Variants in CAST observed in about 807,000 individuals in gnomAD.
CAST encodes the protein MIR583 host.
Under a neutral mutation model 119.6 loss-of-function variants are expected in CAST, and 76 were observed. The observed-to-expected ratio is 0.64, with a 90% CI of 0.53 to 0.77. CAST has a LOEUF of 0.77. Among genes scored for constraint, CAST ranks in the 30% least tolerant of loss-of-function variants. CAST has a pLI of 0.00. For missense variants in CAST, 953 were observed against 946.5 expected, an observed-to-expected ratio of 1.01 and a Z score of -0.09; for synonymous variants, 319 against 331.6, an observed-to-expected ratio of 0.96 and a Z score of 0.41.
chr5:96,232,281 C>T, the CAST span, among the ~76,000 whole-genome samples: 1 of 151,966 alleles, frequency 6.6e-6, no homozygotes, highest in Non-Finnish European at 1.5e-5. Context: ...CTAGGTGACT[C>T]TGATGCAAAT....
the CAST span, among the ~76,000 whole-genome samples, chr5:96,020,427 G>C: frequency 1.3e-5 from 2 of 152,172 alleles, no homozygotes; most frequent in Non-Finnish European, 2.9e-5. Flanking sequence ...CCAGTCCCAT[G>C]GCCTGTTGGG....
chr5:95,999,679 A>G, the CAST span, among the ~76,000 whole-genome samples: 4 of 152,180 alleles, frequency 2.6e-5, no homozygotes, highest in South Asian at 2.1e-4. Flanking sequence ...ATTGTTTCCA[A>G]TTTGGGGTTA....
the CAST span, among the ~76,000 whole-genome samples, chr5:96,262,739 G>A: frequency 3.3e-5 from 5 of 152,044 alleles, no homozygotes; most frequent in Non-Finnish European, 4.4e-5. Context: ...GTTTCACCAC[G>A]TTAGCCAAGA....
At chr5:96,228,265 T>C in the CAST span, among the ~76,000 whole-genome samples, 4 of 152,220 alleles carry the variant, frequency 2.6e-5, no homozygotes, top group Non-Finnish European at 5.9e-5. Flanking sequence ...AGACAATTAA[T>C]TGTCTTTATT....
chr5:96,101,703 C>A, the CAST span, among the ~76,000 whole-genome samples: 1 of 152,206 alleles, frequency 6.6e-6, no homozygotes, highest in Non-Finnish European at 1.5e-5. Context: ...GTAATCCTAG[C>A]GCTTTGGCCA....
the CAST span, among the ~76,000 whole-genome samples, chr5:96,162,958 G>T: frequency 5.3e-5 from 8 of 152,206 alleles, no homozygotes; most frequent in Non-Finnish European, 1.0e-4. Context: ...CTATTTTTCA[G>T]AAGAGTTTGC....
chr5:96,739,610 G>A (rs559263847), intron 11 of CAST, among the ~76,000 whole-genome samples: 1 of 152,280 alleles, frequency 6.6e-6, no homozygotes, highest in East Asian at 1.9e-4. Context: ...GATTAACAGG[G>A]AAAGGGAATT....
At chr5:96,768,121 T>C in intron 29 of CAST, 122 bp downstream of exon 29, 3 of 724,688 alleles carry the variant, frequency 4.1e-6, no homozygotes, top group Non-Finnish European at 7.3e-6. Flanking sequence ...TCTTACTCTA[T>C]AGCCCAGGCT....
At chr5:96,434,111 G>A in the CAST span, 1 of 152,204 alleles carries the variant, frequency 6.6e-6, no homozygotes, top group East Asian at 1.9e-4. Context: ...CTTTGGTGCT[G>A]AGCTGGAGCT....
At chr5:96,385,667 G>T in the CAST span, among the ~76,000 whole-genome samples, 1 of 152,150 alleles carries the variant, frequency 6.6e-6, no homozygotes. Context: ...TAACAGAAAA[G>T]AATCTGCAGT....
chr5:96,556,460 G>GA (rs1404385870), intron 1 of CAST, among the ~76,000 whole-genome samples: 2 of 152,118 alleles, frequency 1.3e-5, no homozygotes, highest in African/African-American at 2.4e-5. Flanking sequence ...TAAAAACCTT[G>GA]AAAAAAATTA....
At chr5:96,533,394 C>T (rs1745727509) in intron 1 of CAST, among the ~76,000 whole-genome samples, 1 of 152,156 alleles carries the variant, frequency 6.6e-6, no homozygotes, top group African/African-American at 2.4e-5. Context: ...GTCTCCAGTA[C>T]CAAACTAGAC....
chr5:96,495,049 C>T, the CAST span, among the ~76,000 whole-genome samples: 18 of 147,116 alleles, frequency 1.2e-4, no homozygotes, highest in African/African-American at 4.6e-4. Context: ...ACCCGGGAGG[C>T]GGAGGTTGTA....
the CAST span, among the ~76,000 whole-genome samples, chr5:96,390,158 A>G: frequency 1.3e-5 from 2 of 152,194 alleles, no homozygotes; most frequent in Non-Finnish European, 2.9e-5. Context: ...GCATGTTGTC[A>G]AGAAAGTGAA....
the CAST span, among the ~76,000 whole-genome samples, chr5:96,002,863 T>C: frequency 6.6e-6 from 1 of 152,268 alleles, no homozygotes; most frequent in Non-Finnish European, 1.5e-5. Context: ...AGATATCTAT[T>C]TAACTCATTT....
At chr5:96,084,572 T>G in the CAST span, among the ~76,000 whole-genome samples, 5 of 152,348 alleles carry the variant, frequency 3.3e-5, no homozygotes, top group African/African-American at 9.6e-5. Flanking sequence ...CAGAATCCAC[T>G]TCTGGCTAAT....
chr5:96,348,610 A>C, the CAST span, among the ~76,000 whole-genome samples: 1 of 152,158 alleles, frequency 6.6e-6, no homozygotes, highest in Non-Finnish European at 1.5e-5. Context: ...ATTTTCCCCC[A>C]GTAGAAGACA....
chr5:96,043,931 C>T, the CAST span, among the ~76,000 whole-genome samples: 2 of 152,260 alleles, frequency 1.3e-5, no homozygotes, highest in East Asian at 3.9e-4. Flanking sequence ...CACTGACAAG[C>T]ACCTTTCAAA....
chr5:96,089,479 T>C, the CAST span, among the ~76,000 whole-genome samples: 2 of 152,178 alleles, frequency 1.3e-5, no homozygotes, highest in African/African-American at 4.8e-5. Flanking sequence ...TAATAGAGGA[T>C]GAGTTAAATA....
Sources: allele counts gnomAD v4.1 joint callset (sites outside exome capture counted in the v4.1 genomes callset), GRCh38; gene constraint gnomAD v4.1.1; transcripts MANE v1.5; gene names NCBI Gene and HGNC (gene_info 2026-07-23, HGNC 2026-07-21).